Variants in TLK1 observed in about 807,000 individuals in gnomAD.
TLK1 encodes the protein tousled like kinase 1, also known as serine/threonine-protein kinase tousled-like 1.
In TLK1, 24 loss-of-function variants were observed where a neutral mutation model predicts 105.3. That is an observed-to-expected ratio of 0.23 (90% CI 0.17 to 0.32). The LOEUF (loss-of-function observed/expected upper bound fraction) is 0.32, where lower values mean the gene tolerates loss of function less well. TLK1 is among the 10% of genes least tolerant of loss of function. TLK1 has a pLI of 1.00. For missense variants in TLK1, 558 were observed against 910.5 expected, an observed-to-expected ratio of 0.61 and a Z score of 4.98; for synonymous variants, 321 against 310.4, an observed-to-expected ratio of 1.03 and a Z score of -0.36.
intron 1 of TLK1, among the ~76,000 whole-genome samples, chr2:171,230,866 T>C (rs1693983537): frequency 6.6e-6 from 1 of 152,106 alleles, no homozygotes; most frequent in South Asian, 2.1e-4. Context: ...AAGGAGAAAA[T>C]GGAACAGAGA....
intron 1 of TLK1, among the ~76,000 whole-genome samples, chr2:171,124,062 C>T (rs1690771739): frequency 6.6e-6 from 1 of 152,082 alleles, no homozygotes; most frequent in Non-Finnish European, 1.5e-5. Flanking sequence ...AGTTTCTCCA[C>T]TACAAAATTA....
chr2:171,211,914 C>T (rs926340472), intron 1 of TLK1, among the ~76,000 whole-genome samples: 23 of 149,930 alleles, frequency 1.5e-4, no homozygotes, highest in African/African-American at 4.7e-4. Flanking sequence ...GGTGCAATCT[C>T]GGCTCACTGC....
At chr2:171,083,220 G>C (rs182372032) in intron 2 of TLK1, among the ~76,000 whole-genome samples, 8 of 152,174 alleles carry the variant, frequency 5.3e-5, no homozygotes, top group Admixed American at 3.3e-4. Context: ...AGTATTATTT[G>C]GGCTCTTCAG....
chr2:171,067,991 T>G (rs147513955), intron 3 of TLK1, among the ~76,000 whole-genome samples: 2,032 of 152,168 alleles, frequency 0.013, 27 homozygotes, highest in Non-Finnish European at 0.018. Flanking sequence ...GTGGTGCCAA[T>G]ACAACACTTT....
intron 1 of TLK1, among the ~76,000 whole-genome samples, chr2:171,199,985 C>T (rs1693367596): frequency 6.6e-6 from 1 of 152,138 alleles, no homozygotes; most frequent in Non-Finnish European, 1.5e-5. Context: ...CAATAATGGC[C>T]AATGACTCAA....
At chr2:171,060,996 A>G in intron 4 of TLK1, 85 bp downstream of exon 4, 1 of 1,295,348 alleles carries the variant, frequency 7.7e-7, no homozygotes, top group East Asian at 2.5e-5. Flanking sequence ...ATATTATTTT[A>G]CAATTAGAGT....
At chr2:171,043,282 G>A (rs2676134) in intron 11 of TLK1, among the ~76,000 whole-genome samples, 3,942 of 152,236 alleles carry the variant, frequency 0.026, 142 homozygotes, top group African/African-American at 0.082. Context: ...AGGAGGAAGC[G>A]ATAACTACCG....
At chr2:171,023,471 C>T (rs1396569288) in intron 12 of TLK1, among the ~76,000 whole-genome samples, 5 of 151,944 alleles carry the variant, frequency 3.3e-5, no homozygotes, top group African/African-American at 1.2e-4. Context: ...ATCCCTACTA[C>T]ACTATTTAAT....
At chr2:171,104,695 T>C (rs1689841145) in intron 2 of TLK1, among the ~76,000 whole-genome samples, 1 of 152,166 alleles carries the variant, frequency 6.6e-6, no homozygotes. Context: ...GGTCTCAAAC[T>C]CCTGGCCTCA....
In TLK1 at chr2:171,039,865, CCCCTTTGT is replaced by C. The variant is rs1244672695; in HGVS notation, c.1169+6301_1169+6308del. 3.3e-5 allele frequency among the ~76,000 whole-genome samples: 5 copies of C among 152,208 alleles called. 1 individual carries two copies. The highest frequency in any genetic ancestry group is 2.0e-4 in the Admixed American group (3 of 15,292). On this transcript the variant is annotated intron_variant, in intron 11 of 20. Coordinates refer to ENST00000431350, the MANE Select transcript of TLK1 (RefSeq NM_012290.5). The stretch of plus-strand genomic sequence containing the variant: ...ACAAAAACTGGTCACTACCAACAGA[CCCCTTTGT>C]AATTTTCCTTTACAAAGGAAAATTT...
At chr2:171,014,367 CTT>C (rs78223331) in intron 13 of TLK1, among the ~76,000 whole-genome samples, 2 of 143,302 alleles carry the variant, frequency 1.4e-5, no homozygotes, top group Non-Finnish European at 1.5e-5. Context: ...GAAGCAGAGA[CTT>C]TTTTTTTTTT....
At chr2:171,136,397 A>G (rs931165809) in intron 1 of TLK1, among the ~76,000 whole-genome samples, 3 of 152,216 alleles carry the variant, frequency 2.0e-5, no homozygotes, top group Non-Finnish European at 2.9e-5. Context: ...TTAGCTGCAC[A>G]ACAACAGGAA....
In TLK1 at chr2:171,230,672, C is replaced by T. The variant is rs150445887; in HGVS notation, c.-6+473G>A. On this transcript the variant is annotated intron_variant, in intron 1 of 20. Transcript: ENST00000521943. ...CTGTACAATTAAACTGCTTTCTTTT[C>T]TGCAACCTGGTGTCTTGGCGTATTG... Among the ~76,000 whole-genome samples, 515 of 152,288 alleles carry T rather than the reference C, an allele frequency of 3.4e-3. 1 individual carries two copies. The highest frequency in any genetic ancestry group is 0.017 in the Middle Eastern group (5 of 294).
rs1684910682 is a variant in TLK1 at position 171,011,432 on chromosome 2, T to C, written c.1357A>G (p.Asn453Asp). Residue 453 changes from asparagine (N) to aspartate (D), a missense_variant, in exon 14 of 21, where the codon AAT (asparagine) becomes GAT (aspartate). Physicochemically the swap from Asn to Asp is conservative, Grantham distance 23. Coordinates refer to ENST00000431350, the MANE Select transcript of TLK1 (RefSeq NM_012290.5). The part of the protein sequence containing the change: ...NSQFKDHPTL[N>D]ERYLLLHLLG... Reference sequence around the variant, plus strand: ...AGATGAAGTAATAAATATCTTTCATTTAATGTTGGGTGATCTTTGAACCTT... The same window carrying C: ...AGATGAAGTAATAAATATCTTTCATCTAATGTTGGGTGATCTTTGAACCTT... The C allele has an allele frequency of 2.5e-6, 4 of 1,613,436 alleles. No individual in the cohort carries two copies. Among genetic ancestry groups the C allele is most frequent in the Non-Finnish European group, 2.5e-6 (3 of 1,179,664 alleles).
At chr2:171,148,859 A>G (rs1315228161) in intron 1 of TLK1, among the ~76,000 whole-genome samples, 1 of 139,436 alleles carries the variant, frequency 7.2e-6, no homozygotes, top group African/African-American at 2.7e-5. Flanking sequence ...CAGCCTGGGT[A>G]AGAGGGTGAG....
intron 1 of TLK1, among the ~76,000 whole-genome samples, chr2:171,120,855 C>G (rs1258441596): frequency 6.6e-6 from 1 of 152,176 alleles, no homozygotes; most frequent in Non-Finnish European, 1.5e-5. Context: ...ACATTTACAG[C>G]AGCATTATTC....
intron 3 of TLK1, among the ~76,000 whole-genome samples, chr2:171,081,234 A>T (rs1330516227): frequency 6.6e-6 from 1 of 152,218 alleles, no homozygotes; most frequent in East Asian, 1.9e-4. Flanking sequence ...AAAAAATCCA[A>T]ATATTAAATC....
At chr2:171,148,820 C>A (rs1691898134) in intron 1 of TLK1, among the ~76,000 whole-genome samples, 1 of 148,584 alleles carries the variant, frequency 6.7e-6, no homozygotes, top group Non-Finnish European at 1.5e-5. Context: ...GCAGAGGATG[C>A]AGTGAGCCGA....
intron 12 of TLK1, chr2:171,022,966 A>G (rs1459051415): frequency 4.6e-6 from 2 of 430,250 alleles, no homozygotes; most frequent in African/African-American, 4.1e-5. Flanking sequence ...ACTGTGAAGG[A>G]GTGAGAAAAG....
Sources: gnomAD v4.1 joint callset for allele counts (sites outside exome capture counted in the v4.1 genomes callset) on GRCh38, gnomAD v4.1.1 for gene constraint, MANE v1.5 for transcripts, NCBI Gene and HGNC (gene_info 2026-07-23, HGNC 2026-07-21) for gene names.